Variants in PIAS4 observed in about 807,000 individuals in gnomAD.
PIAS4 encodes protein inhibitor of activated STAT 4, also known as E3 SUMO-protein ligase PIAS4.
In PIAS4, 7 loss-of-function variants were observed where a neutral mutation model predicts 58.0. That is an observed-to-expected ratio of 0.12 (90% CI 0.07 to 0.23). The LOEUF (loss-of-function observed/expected upper bound fraction) is 0.23, where lower values mean the gene tolerates loss of function less well. PIAS4 is among the 10% of genes least tolerant of loss of function. The pLI is 1.00. For missense variants in PIAS4, 550 were observed against 709.5 expected, an observed-to-expected ratio of 0.78 and a Z score of 2.55; for synonymous variants, 364 against 312.4, an observed-to-expected ratio of 1.17 and a Z score of -1.74.
At chr19:4,026,750 T>TCCGCCTCC in intron 3 of PIAS4, among the ~76,000 whole-genome samples, 1 of 152,172 alleles carries the variant, frequency 6.6e-6, no homozygotes, top group African/African-American at 2.4e-5. Flanking sequence ...TGTCGCGATC[T>TCCGCCTCC]CAGTTCACTG....
rs9941481 is a variant in PIAS4 at position 4,028,414 on chromosome 19, A to G, written c.582-96A>G. On this transcript the variant is annotated intron_variant, in intron 4 of 10. Coordinates refer to ENST00000262971, the MANE Select transcript of PIAS4 (RefSeq NM_015897.4). ...CCGTGTCACATTCTCCGGTGCCCCC[A>G]TCACTGCCGCCTGGCTACCACTCGT... is the stretch of plus-strand genomic sequence containing the variant. 1.5e-4 allele frequency: 140 copies of G among 948,030 alleles called. 1 individual carries two copies. In the African/African-American group the frequency reaches 1.8e-3, roughly 12 times the overall value. The allele number at this position is 948,030 out of a possible 1,614,324, so 58.7% of individuals were successfully genotyped here.
At chr19:4,033,901 A>G (rs2040249947) in intron 9 of PIAS4, among the ~76,000 whole-genome samples, 2 of 152,138 alleles carry the variant, frequency 1.3e-5, no homozygotes, top group South Asian at 4.1e-4. Flanking sequence ...AAACTGAGCC[A>G]GGTCGTGCTT....
At chr19:4,020,150 T>C (rs1263710758) in intron 2 of PIAS4, among the ~76,000 whole-genome samples, 1 of 152,102 alleles carries the variant, frequency 6.6e-6, no homozygotes, top group South Asian at 2.1e-4. Flanking sequence ...TCTCCTGACC[T>C]CATGATCCGA....
At chr19:4,007,826 C>T in intron 1 of PIAS4, 39 bp downstream of exon 1, 1 of 1,202,088 alleles carries the variant, frequency 8.3e-7, no homozygotes, top group East Asian at 3.5e-5. Context: ...GGCAAGTGGG[C>T]GAGAGGGCGG....
chr19:4,027,817 G>A (rs1339841228), intron 3 of PIAS4, among the ~76,000 whole-genome samples: 1 of 152,092 alleles, frequency 6.6e-6, no homozygotes, highest in African/African-American at 2.4e-5. Context: ...CCCAAACTGG[G>A]TGTTTTCTTG....
chr19:4,011,724 T>A (rs868425857), intron 1 of PIAS4, among the ~76,000 whole-genome samples: 1 of 40,432 alleles, frequency 2.5e-5, no homozygotes, highest in African/African-American at 1.1e-4. Context: ...TGGAGGTGTG[T>A]GGGGTGTGGA....
chr19:4,014,830 AGG>A (rs1481202565), intron 2 of PIAS4, among the ~76,000 whole-genome samples: 1 of 152,138 alleles, frequency 6.6e-6, no homozygotes, highest in African/African-American at 2.4e-5. Context: ...GGTAGGGGGA[AGG>A]GGAACTGGCT....
intron 2 of PIAS4, 52 bp from the exon 3 acceptor site, chr19:4,023,984 C>T (rs372587004): frequency 6.2e-5 from 79 of 1,276,796 alleles, no homozygotes; most frequent in African/African-American, 3.2e-4. Flanking sequence ...CGACTGGGCT[C>T]GGGGGACCTG....
At chr19:4,015,366 C>T (rs1442248608) in intron 2 of PIAS4, among the ~76,000 whole-genome samples, 4 of 152,174 alleles carry the variant, frequency 2.6e-5, no homozygotes, top group Non-Finnish European at 5.9e-5. Flanking sequence ...TGCCCTGAGC[C>T]ACCAGGGACC....
At position 4,019,258 on chromosome 19, in the gene PIAS4, G is replaced by C. The variant is rs189958923; in HGVS notation, c.455-4778G>C. On this transcript the variant is annotated intron_variant, in intron 2 of 10. Coordinates refer to ENST00000262971, the MANE Select transcript of PIAS4 (RefSeq NM_015897.4). ...CCAGCATAGGGGGGCCGGGTGTTTG[G>C]GGGGAACCGTCAGCGGCCCGGGGCC... 6.8e-3 allele frequency among the ~76,000 whole-genome samples: 1,034 copies of C among 152,282 alleles called. 6 individuals are homozygous for C. Among genetic ancestry groups the C allele is most frequent in the South Asian group, 0.013 (61 of 4,826 alleles).
rs888285662 is a variant in PIAS4, at chr19:4,013,751, G to A, written c.454+402G>A. 6.6e-6 allele frequency among the ~76,000 whole-genome samples: 1 copy of A among 152,184 alleles called. No homozygotes were observed. Among genetic ancestry groups the A allele is most frequent in the Non-Finnish European group, 1.5e-5 (1 of 68,018 alleles). On this transcript the variant is annotated intron_variant, in intron 2 of 10. Coordinates refer to ENST00000262971, the MANE Select transcript of PIAS4 (RefSeq NM_015897.4). This position sits in a 1 kb window ranked among gnomAD's most constrained non-coding sequence, Gnocchi z 5.1. ...AGGCCTCAGCTCCTCGCCAGCTCTT[G>A]GCCACAGTCCCCAGGTCCTCATGGT... is the stretch of plus-strand genomic sequence containing the variant.
At chr19:4,033,660 A>C in intron 9 of PIAS4, 80 bp downstream of exon 9, 1 of 1,225,586 alleles carries the variant, frequency 8.2e-7, no homozygotes, top group South Asian at 1.4e-5. Flanking sequence ...CCTGCAGACC[A>C]CATGGTGCCC....
At position 4,037,770 on chromosome 19, in the gene PIAS4, G is replaced by C; in HGVS notation, c.1428G>C (p.Ser476=). 1 of 1,604,166 alleles carries C rather than the reference G, an allele frequency of 6.2e-7. No homozygotes were observed. Among genetic ancestry groups the C allele is most frequent in the Non-Finnish European group, 8.5e-7 (1 of 1,175,922 alleles). The stretch of plus-strand genomic sequence containing the variant: ...TCACGCTGGACAGCTCATCGTCCTC[G>C]GAGGATGAGGAGGAGGAGGAAGAGG... ...VDLTLDSSSS[S]EDEEEEEEEE... Residue 476 remains serine (S), a synonymous_variant, in exon 11 of 11, where the codon TCG becomes TCC. Coordinates refer to ENST00000262971, the MANE Select transcript of PIAS4 (RefSeq NM_015897.4). This position sits in a 1 kb window ranked among gnomAD's most constrained non-coding sequence, Gnocchi z 5.8.
At position 4,012,672 on chromosome 19, in the gene PIAS4, G is replaced by C. The variant is rs191702541; in HGVS notation, c.28-251G>C. Among the ~76,000 whole-genome samples, 268 of 152,130 alleles carry C rather than the reference G, an allele frequency of 1.8e-3. 3 individuals are homozygous for C. The highest frequency in any genetic ancestry group is 5.9e-3 in the African/African-American group (246 of 41,498). ...AGGGAAAGAGAACCTAAAATAGAAG[G>C]GGGGGCCTAGTCAGAGGCGCTTTTG... On this transcript the variant is annotated intron_variant, in intron 1 of 10. Coordinates refer to ENST00000262971, the MANE Select transcript of PIAS4 (RefSeq NM_015897.4).
Position 4,037,982 on chromosome 19 carries a change from C to G in PIAS4, c.*107C>G, listed in dbSNP as rs112184024. On this transcript the variant is annotated 3_prime_UTR_variant, in exon 11 of 11. Coordinates refer to ENST00000262971, the MANE Select transcript of PIAS4 (RefSeq NM_015897.4). This position sits in a 1 kb window ranked among gnomAD's most constrained non-coding sequence, Gnocchi z 5.8. ...CTTTCTTTTTCTTTTTATTGTCGTT[C>G]GTTTTGTTTTTCCACCCTTTTGCCT... The G allele has an allele frequency of 1.5e-5, 19 of 1,271,340 alleles. No homozygotes were observed. The African/African-American group carries it at 1.8e-4, about 12-fold the overall frequency. 78.8% of individuals were successfully genotyped at this position (1,271,340 alleles called of 1,614,324 possible).
chr19:4,011,462 C>T (rs2039991332), intron 1 of PIAS4, among the ~76,000 whole-genome samples: 1 of 152,248 alleles, frequency 6.6e-6, no homozygotes, highest in Non-Finnish European at 1.5e-5. Flanking sequence ...ACACCAGGGT[C>T]AGCTGGGCTC....
chr19:4,027,834 T>G (rs1290117603), intron 3 of PIAS4, among the ~76,000 whole-genome samples: 1 of 152,172 alleles, frequency 6.6e-6, no homozygotes, highest in African/African-American at 2.4e-5. Context: ...CTTGCCATTG[T>G]GAGCCAGCTG....
intron 7 of PIAS4, among the ~76,000 whole-genome samples, chr19:4,031,254 C>T (rs2040220148): frequency 6.6e-6 from 1 of 152,152 alleles, no homozygotes; most frequent in Admixed American, 6.5e-5. Context: ...TGCCAGGGGC[C>T]TGCGAGCCCC....
Position 4,028,815 on chromosome 19 carries a change from C to T in PIAS4, c.768C>T (p.Asn256=), listed in dbSNP as rs1253006054. The T allele has an allele frequency of 3.1e-6, 5 of 1,613,540 alleles. No individual in the cohort carries two copies. Among genetic ancestry groups the T allele is most frequent in the African/African-American group, 1.3e-5 (1 of 74,902 alleles). Residue 256 remains asparagine (N), a synonymous_variant, in exon 6 of 11, where the codon AAC becomes AAT. Transcript: ENST00000262971. Reference sequence around the variant, plus strand: ...TCATGTACCTGTCCTCGGCCACCAACCGCATCACTGTCACCTGGGGGAACT... The same window carrying T: ...TCATGTACCTGTCCTCGGCCACCAATCGCATCACTGTCACCTGGGGGAACT... The part of the protein sequence containing the change: ...THLMYLSSAT[N]RITVTWGNYG...
Sources: allele counts gnomAD v4.1 joint callset (sites outside exome capture counted in the v4.1 genomes callset), GRCh38; gene constraint gnomAD v4.1.1; non-coding constraint Gnocchi (gnomAD v3.1); transcripts MANE v1.5; gene names NCBI Gene and HGNC (gene_info 2026-07-23, HGNC 2026-07-21).